Variants in STAT4 observed in about 807,000 individuals in gnomAD.
STAT4 encodes the protein signal transducer and activator of transcription 4.
Under a neutral mutation model 110.5 loss-of-function variants are expected in STAT4, and 42 were observed. The ratio of observed to expected loss-of-function variants is 0.38; its 90% CI spans 0.30 to 0.49. STAT4 has a LOEUF of 0.49. Among genes scored for constraint, STAT4 ranks in the 20% least tolerant of loss-of-function variants. STAT4 has a pLI of 0.95. For missense variants in STAT4, 632 were observed against 887.9 expected (o/e 0.71, Z 3.66); for synonymous variants, 284 against 302.2 (o/e 0.94, Z 0.63).
chr2:191,072,134 A>C (rs1697178097), intron 5 of STAT4, among the ~76,000 whole-genome samples: 1 of 152,130 alleles, frequency 6.6e-6, no homozygotes, highest in Non-Finnish European at 1.5e-5. Context: ...GGGTCCAAAA[A>C]ATGTTGGCCT....
intron 1 of STAT4, among the ~76,000 whole-genome samples, chr2:191,148,999 C>G (rs780846946): frequency 6.6e-6 from 1 of 152,110 alleles, no homozygotes; most frequent in Admixed American, 6.6e-5. Context: ...AAGAAAAGTA[C>G]GCATTTCCCC....
At chr2:191,109,401 A>G (rs752686225) in intron 3 of STAT4, among the ~76,000 whole-genome samples, 1 of 152,186 alleles carries the variant, frequency 6.6e-6, no homozygotes, top group African/African-American at 2.4e-5. Context: ...TCACTCAGCA[A>G]ATATCTACTG....
Position 191,033,213 on chromosome 2 carries a change from C to T in STAT4, c.1853-64G>A. On this transcript the variant is annotated intron_variant, in intron 20 of 23. Transcript: ENST00000392320. The surrounding 1 kb of genome is among the most constrained non-coding windows in gnomAD (Gnocchi z 6.9). Reference sequence around the variant, plus strand: ...TACACATTCCTTGTGACCATTTCTTCCCTGCCCACATTATCTTCATGCCAC... The same window carrying T: ...TACACATTCCTTGTGACCATTTCTTTCCTGCCCACATTATCTTCATGCCAC... The T allele has an allele frequency of 8.0e-6, 12 of 1,507,206 alleles. No individual in the cohort carries two copies. The highest frequency in any genetic ancestry group is 1.1e-5 in the Non-Finnish European group (12 of 1,110,738). 93.4% of individuals were successfully genotyped at this position (1,507,206 alleles called of 1,614,324 possible).
In STAT4 at chr2:191,062,839, A is replaced by G. The variant is rs138535661; in HGVS notation, c.864T>C (p.Tyr288=). 663 of 1,613,938 alleles carry G rather than the reference A, an allele frequency of 4.1e-4. 2 individuals are homozygous for G. Among genetic ancestry groups the G allele is most frequent in the Admixed American group, 1.7e-3 (101 of 60,008 alleles). ...KLEEQSTKMT[Y]EGDPIPMQRT... ...TTTGCATTGGAATGGGATCACCTTC[A>G]TATGTCATTTTGGTAGATTGCTCCT... The change falls in exon 9 of 24, where the codon TAT becomes TAC. Residue 288 remains tyrosine (Y), a synonymous_variant. Transcript: ENST00000392320. The surrounding 1 kb of genome is among the most constrained non-coding windows in gnomAD (Gnocchi z 4.9).
Position 191,083,829 on chromosome 2 carries a change from T to G in STAT4, c.274-7504A>C, listed in dbSNP as rs1196281428. Among the ~76,000 whole-genome samples the G allele has an allele frequency of 6.6e-6, 1 of 152,154 alleles. No individual in the cohort carries two copies. The highest frequency in any genetic ancestry group is 2.4e-5 in the African/African-American group (1 of 41,442). ...CATAAATTAAGTAAATAAGCCCAAA[T>G]GCCTTTCAAGTTCGCATGATTTTAG... On this transcript the variant is annotated intron_variant, in intron 3 of 23. Coordinates refer to ENST00000392320, the MANE Select transcript of STAT4 (RefSeq NM_003151.4). The surrounding 1 kb of genome is among the most constrained non-coding windows in gnomAD (Gnocchi z 4.6).
At chr2:191,125,696 C>G (rs1698865289) in intron 3 of STAT4, among the ~76,000 whole-genome samples, 1 of 151,928 alleles carries the variant, frequency 6.6e-6, no homozygotes, top group African/African-American at 2.4e-5. Flanking sequence ...GTTGCCCAGT[C>G]TGGTCTTGAA....
chr2:191,041,673 A>G (rs181305421), intron 14 of STAT4: 13 of 152,364 alleles, frequency 8.5e-5, no homozygotes, highest in Middle Eastern at 3.4e-3. Context: ...ATAAAGTAAA[A>G]CTGTAATCTA....
At position 191,116,523 on chromosome 2, in the gene STAT4, C is replaced by T. The variant is rs189268139; in HGVS notation, c.273+30090G>A. 2.3e-4 allele frequency among the ~76,000 whole-genome samples: 35 copies of T among 150,450 alleles called. No individual in the cohort carries two copies. The highest frequency in any genetic ancestry group is 8.1e-4 in the African/African-American group (33 of 40,894). On this transcript the variant is annotated intron_variant, in intron 3 of 23. Transcript: ENST00000392320. This position sits in a 1 kb window ranked among gnomAD's most constrained non-coding sequence, Gnocchi z 4.1. ...TTTACAATAAGTTAAAAGGAATAAC[C>T]TTATAGATTTAGAATTTTTTTAAAA...
intron 3 of STAT4, among the ~76,000 whole-genome samples, chr2:191,087,575 T>G (rs1159352918): frequency 6.6e-6 from 1 of 152,026 alleles, no homozygotes; most frequent in Non-Finnish European, 1.5e-5. Flanking sequence ...AATGAAACAT[T>G]TACCATCTAC....
intron 3 of STAT4, among the ~76,000 whole-genome samples, chr2:191,137,386 G>C (rs942063660): frequency 2.0e-5 from 3 of 152,142 alleles, no homozygotes; most frequent in African/African-American, 7.2e-5. Flanking sequence ...ACATCTCTAT[G>C]TTCATGGATT....
intron 3 of STAT4, among the ~76,000 whole-genome samples, chr2:191,080,343 A>T (rs1164733011): frequency 6.6e-6 from 1 of 152,174 alleles, no homozygotes; most frequent in Non-Finnish European, 1.5e-5. Flanking sequence ...ATGTCTTCCT[A>T]AAACTACTTC....
chr2:191,052,689 T>C (rs1696564876), intron 14 of STAT4, among the ~76,000 whole-genome samples: 1 of 131,548 alleles, frequency 7.6e-6, no homozygotes, highest in South Asian at 2.6e-4. Flanking sequence ...ATGCTTAGTC[T>C]GTTCAGATTC....
intron 3 of STAT4, among the ~76,000 whole-genome samples, chr2:191,080,977 G>T (rs1234584283): frequency 8.5e-5 from 13 of 152,124 alleles, no homozygotes; most frequent in Non-Finnish European, 1.5e-5. Flanking sequence ...TTCTCCTAAT[G>T]CTATCCCTTC....
rs1372048507 is a variant in STAT4, at chr2:191,042,512, T to G, written c.1252-1364A>C. On this transcript the variant is annotated intron_variant, in intron 14 of 23. Coordinates refer to ENST00000392320, the MANE Select transcript of STAT4 (RefSeq NM_003151.4). The surrounding 1 kb of genome is among the most constrained non-coding windows in gnomAD (Gnocchi z 4.2). ...GCCTTTTTTGAGACAATAGAGGAAT[T>G]TGAACAAAAAATAGGATTTTATTAA... is the stretch of plus-strand genomic sequence containing the variant. 2.6e-5 allele frequency among the ~76,000 whole-genome samples: 4 copies of G among 152,074 alleles called. No individual in the cohort carries two copies. Among genetic ancestry groups the G allele is most frequent in the Non-Finnish European group, 5.9e-5 (4 of 68,010 alleles).
intron 3 of STAT4, among the ~76,000 whole-genome samples, chr2:191,096,667 T>C (rs548487349): frequency 3.9e-5 from 6 of 152,298 alleles, no homozygotes; most frequent in East Asian, 3.9e-4. Flanking sequence ...AATATCATAC[T>C]AAACGGGCAA....
chr2:191,134,630 C>T (rs1699129089), intron 3 of STAT4, among the ~76,000 whole-genome samples: 2 of 152,188 alleles, frequency 1.3e-5, no homozygotes, highest in African/African-American at 2.4e-5. Flanking sequence ...CACTACTGTA[C>T]ACACTCAGAA....
In STAT4 at chr2:191,071,477, A is replaced by G. The variant is rs1302696100; in HGVS notation, c.465+1621T>C. ...GTTCCATCTTTTGATCTCAAAATTAATTAAAAGCTAAAAGAAGGCAGTATC... is the reference window on the plus strand; with the variant it reads ...GTTCCATCTTTTGATCTCAAAATTAGTTAAAAGCTAAAAGAAGGCAGTATC... On this transcript the variant is annotated intron_variant, in intron 5 of 23. Coordinates refer to ENST00000392320, the MANE Select transcript of STAT4 (RefSeq NM_003151.4). 2.0e-5 allele frequency among the ~76,000 whole-genome samples: 3 copies of G among 152,244 alleles called. No individual in the cohort carries two copies. In the East Asian group the frequency reaches 5.8e-4, roughly 29 times the overall value.
At chr2:191,078,945 T>C (rs1438077204) in intron 3 of STAT4, among the ~76,000 whole-genome samples, 3 of 152,146 alleles carry the variant, frequency 2.0e-5, no homozygotes, top group Non-Finnish European at 4.4e-5. Context: ...AGCTTGTTAA[T>C]AATGAGAGTT....
Position 191,062,668 on chromosome 2 carries a change from C to T in STAT4, c.941+94G>A. 1.4e-6 allele frequency: 2 copies of T among 1,410,852 alleles called. No individual in the cohort carries two copies. Among genetic ancestry groups the T allele is most frequent in the Non-Finnish European group, 2.0e-6 (2 of 1,019,000 alleles). The allele number at this position is 1,410,852 out of a possible 1,614,324, so 87.4% of individuals were successfully genotyped here. On this transcript the variant is annotated intron_variant, in intron 9 of 23. Coordinates refer to ENST00000392320, the MANE Select transcript of STAT4 (RefSeq NM_003151.4). This position sits in a 1 kb window ranked among gnomAD's most constrained non-coding sequence, Gnocchi z 4.9. ...TCTCCCTGAGGCTCGTTGTTGAATA[C>T]TTCCCTGCCACTCTTCCACCTAAAC...
Sources: gnomAD v4.1 joint callset for allele counts (sites outside exome capture counted in the v4.1 genomes callset) on GRCh38, gnomAD v4.1.1 for gene constraint, Gnocchi (gnomAD v3.1) non-coding constraint, MANE v1.5 for transcripts, NCBI Gene and HGNC (gene_info 2026-07-23, HGNC 2026-07-21) for gene names.